YEATS2: variants seen among roughly 807,000 people sequenced by gnomAD.
YEATS2 encodes the protein YEATS domain-containing protein 2.
YEATS2 carries 77 observed loss-of-function variants against 163.2 expected under a neutral mutation model. The ratio of observed to expected loss-of-function variants is 0.47; its 90% CI spans 0.39 to 0.57. The LOEUF is 0.57. YEATS2 is among the 20% of genes least tolerant of loss of function. The probability of loss-of-function intolerance (pLI) is 0.00; values close to 1 mark genes in which losing one functional copy is unlikely to be tolerated. For missense variants in YEATS2, 1,549 were observed against 1,729.8 expected, an observed-to-expected ratio of 0.90 and a Z score of 1.85; for synonymous variants, 631 against 645.1, an observed-to-expected ratio of 0.98 and a Z score of 0.33.
At chr3:183,703,298 C>T (rs918563291) in intron 1 of YEATS2, among the ~76,000 whole-genome samples, 5 of 152,216 alleles carry the variant, frequency 3.3e-5, no homozygotes, top group Admixed American at 1.3e-4. Flanking sequence ...ATATGTTAGC[C>T]AGCAAATGGG....
intron 1 of YEATS2, among the ~76,000 whole-genome samples, chr3:183,698,487 G>C (rs1405763313): frequency 6.6e-6 from 1 of 152,228 alleles, no homozygotes; most frequent in Non-Finnish European, 1.5e-5. Flanking sequence ...GCTGCGGGCA[G>C]TGCGGGGCGG....
intron 15 of YEATS2, among the ~76,000 whole-genome samples, chr3:183,768,040 T>C (rs1722085772): frequency 6.6e-6 from 1 of 152,252 alleles, no homozygotes; most frequent in South Asian, 2.1e-4. Flanking sequence ...AAATAGGTTA[T>C]TTGATATGTT....
At position 183,748,905 on chromosome 3, in the gene YEATS2, C is replaced by CAT. The variant is rs779939802; in HGVS notation, c.969+1198_969+1199dup. On this transcript the variant is annotated intron_variant, in intron 9 of 30. Transcript: ENST00000305135. ...TGAGTCACTGCGCCCAGCCTTGGTTCATATATATATGTGTGTGTATATATA... is the reference window on the plus strand; with the variant it reads ...TGAGTCACTGCGCCCAGCCTTGGTTCATATATATATATGTGTGTGTATATATA... Among the ~76,000 whole-genome samples the CAT allele has an allele frequency of 1.2e-4, 18 of 151,972 alleles. No homozygotes were observed. In the East Asian group the frequency reaches 1.9e-3, roughly 16 times the overall value.
At chr3:183,780,931 C>T (rs1184290206) in intron 19 of YEATS2, among the ~76,000 whole-genome samples, 1 of 152,002 alleles carries the variant, frequency 6.6e-6, no homozygotes, top group African/African-American at 2.4e-5. Context: ...AAAGTAGCAT[C>T]CAATGTGCTT....
At position 183,800,447 on chromosome 3, in the gene YEATS2, T is replaced by C; in HGVS notation, c.3326-19T>C. The C allele has an allele frequency of 6.2e-7, 1 of 1,600,062 alleles. No individual in the cohort carries two copies. Among genetic ancestry groups the C allele is most frequent in the Non-Finnish European group, 8.6e-7 (1 of 1,168,784 alleles). ...CACTGACCCCTAACAGCTGCCTCTT[T>C]GTTGCTCTTCCCTTGTAGTGAAGAC... On this transcript the variant is annotated intron_variant, in intron 23 of 30. Coordinates refer to ENST00000305135, the MANE Select transcript of YEATS2 (RefSeq NM_018023.5).
chr3:183,730,057 T>TTGTTTGTTG (rs1717591462), intron 7 of YEATS2, among the ~76,000 whole-genome samples: 1 of 29,970 alleles, frequency 3.3e-5, no homozygotes, highest in African/African-American at 2.0e-4. Flanking sequence ...TGTTTGTTTT[T>TTGTTTGTTG]TTTTTTTTTT....
intron 6 of YEATS2, among the ~76,000 whole-genome samples, chr3:183,726,952 C>T (rs1217413111): frequency 2.0e-5 from 3 of 152,126 alleles, no homozygotes; most frequent in African/African-American, 7.2e-5. Flanking sequence ...CAGACATGCA[C>T]CGCCACACCT....
intron 1 of YEATS2, among the ~76,000 whole-genome samples, chr3:183,705,707 C>G (rs895908316): frequency 6.6e-6 from 1 of 151,970 alleles, no homozygotes; most frequent in Non-Finnish European, 1.5e-5. Context: ...TAGTTATGTT[C>G]CCTGTGGTCA....
At chr3:183,768,220 T>C (rs889519572) in intron 15 of YEATS2, among the ~76,000 whole-genome samples, 1 of 152,214 alleles carries the variant, frequency 6.6e-6, no homozygotes, top group Non-Finnish European at 1.5e-5. Context: ...GGCTTTCGGC[T>C]TGTGGACTAA....
chr3:183,721,819 G>A, intron 4 of YEATS2, 72 bp from the exon 5 acceptor site: 4 of 1,569,226 alleles, frequency 2.5e-6, no homozygotes, highest in South Asian at 1.2e-5. Context: ...TAAGGTTTTG[G>A]AGAGATCAGA....
intron 15 of YEATS2, among the ~76,000 whole-genome samples, chr3:183,763,612 A>G (rs1434886274): frequency 5.9e-5 from 9 of 152,222 alleles, no homozygotes; most frequent in Non-Finnish European, 1.3e-4. Flanking sequence ...TGGGAGCATT[A>G]CAGCTAATAA....
intron 21 of YEATS2, among the ~76,000 whole-genome samples, chr3:183,796,827 G>T (rs957861432): frequency 3.3e-5 from 5 of 152,108 alleles, no homozygotes; most frequent in African/African-American, 1.2e-4. Flanking sequence ...ACATGGAAGA[G>T]TACTATCTGA....
intron 24 of YEATS2, chr3:183,800,903 C>T (rs1725608675): frequency 4.6e-6 from 1 of 219,276 alleles, no homozygotes; most frequent in African/African-American, 2.3e-5. Flanking sequence ...TGTGTACACG[C>T]TTTGTGACTG....
chr3:183,785,482 C>T lies in YEATS2; in HGVS notation c.2737-643C>T, dbSNP rs1245335214. On this transcript the variant is annotated intron_variant, in intron 19 of 30. Transcript: ENST00000305135. Reference sequence around the variant, plus strand: ...CCAGCCTGGGCGACAGAGCGAGACTCTGTCTCAAAAAAAAAAAAAAAAAAA... The same window carrying T: ...CCAGCCTGGGCGACAGAGCGAGACTTTGTCTCAAAAAAAAAAAAAAAAAAA... Among the ~76,000 whole-genome samples, 33 of 140,520 alleles carry T rather than the reference C, an allele frequency of 2.3e-4. No individual in the cohort carries two copies. The East Asian group carries it at 6.7e-3, about 28-fold the overall frequency. The allele number at this position is 140,520 out of a possible 152,430, so 92.2% of individuals were successfully genotyped here.
intron 19 of YEATS2, among the ~76,000 whole-genome samples, chr3:183,783,743 G>A (rs1410067435): frequency 1.3e-5 from 2 of 152,130 alleles, no homozygotes; most frequent in South Asian, 4.1e-4. Context: ...CCTTTTCATG[G>A]CTGTGTGGTA....
At position 183,754,124 on chromosome 3, in the gene YEATS2, A is replaced by G; in HGVS notation, c.1151-2A>G. The G allele has an allele frequency of 6.5e-7, 1 of 1,544,994 alleles. No homozygotes were observed. Among genetic ancestry groups the G allele is most frequent in the Non-Finnish European group, 8.8e-7 (1 of 1,137,182 alleles). On this transcript the variant is annotated splice_acceptor_variant, in intron 10 of 30. Coordinates refer to ENST00000305135, the MANE Select transcript of YEATS2 (RefSeq NM_018023.5). LOFTEE classifies it high-confidence loss of function. ...GCCGTTTGCCTCTTTCATCTCAAGC[A>G]GGATTCCCAGCTAGCACTGAAGCTG... is the stretch of plus-strand genomic sequence containing the variant.
chr3:183,773,884 A>G, intron 17 of YEATS2, 90 bp downstream of exon 17: 1 of 1,424,646 alleles, frequency 7.0e-7, no homozygotes, highest in Non-Finnish European at 9.3e-7. Context: ...TACCTGTTTC[A>G]GGAAGCATTT....
At chr3:183,705,671 T>G (rs1577025914) in intron 1 of YEATS2, among the ~76,000 whole-genome samples, 7 of 152,162 alleles carry the variant, frequency 4.6e-5, no homozygotes, top group Admixed American at 4.6e-4. Context: ...ACAAATAGAT[T>G]AATGATGAAA....
rs1726708454 is a variant in YEATS2, at chr3:183,810,566, T to C, written c.4252T>C (p.Leu1418=). 2 of 1,614,048 alleles carry C rather than the reference T, an allele frequency of 1.2e-6. No homozygotes were observed. The highest frequency in any genetic ancestry group is 1.7e-6 in the Non-Finnish European group (2 of 1,179,956). ...DFLTNKHMGI[L]NEDQ is the part of the protein sequence containing the mutation. ...CCTCACAAACAAACACATGGGAATA[T>C]TGAATGAGGACCAGTGAGCGGAGTG... The change falls in exon 31 of 31, where the codon TTG becomes CTG. Residue 1418 remains leucine (L), a synonymous_variant. Coordinates refer to ENST00000305135, the MANE Select transcript of YEATS2 (RefSeq NM_018023.5).
Sources: gnomAD v4.1 joint callset for allele counts (sites outside exome capture counted in the v4.1 genomes callset) on GRCh38, gnomAD v4.1.1 for gene constraint, MANE v1.5 for transcripts, NCBI Gene and HGNC (gene_info 2026-07-23, HGNC 2026-07-21) for gene names.